Variants in ENPP6 observed in about 807,000 individuals in gnomAD.
ENPP6 encodes the protein glycerophosphocholine cholinephosphodiesterase ENPP6.
ENPP6 carries 32 observed loss-of-function variants against 42.0 expected under a neutral mutation model. The ratio of observed to expected loss-of-function variants is 0.76; its 90% CI spans 0.58 to 1.02. ENPP6 has a LOEUF of 1.02. ENPP6 is among the 50% of genes least tolerant of loss of function. ENPP6 has a pLI of 0.00. For synonymous variants in ENPP6, 213 were observed against 216.0 expected, an observed-to-expected ratio of 0.99 and a Z score of 0.12; for missense variants, 552 against 566.8, an observed-to-expected ratio of 0.97 and a Z score of 0.27.
chr4:184,192,605 A>C (rs1433139524), intron 1 of ENPP6, among the ~76,000 whole-genome samples: 1 of 152,230 alleles, frequency 6.6e-6, no homozygotes, highest in Non-Finnish European at 1.5e-5. Context: ...ATAGGACTTC[A>C]TCAACAATAA....
intron 3 of ENPP6, among the ~76,000 whole-genome samples, chr4:184,118,888 G>C (rs1412701426): frequency 6.6e-6 from 1 of 152,230 alleles, no homozygotes; most frequent in East Asian, 1.9e-4. Context: ...AGAGCTGCAA[G>C]GGGTTCCTAG....
At chr4:184,134,746 A>T (rs1361939758) in intron 2 of ENPP6, among the ~76,000 whole-genome samples, 1 of 150,278 alleles carries the variant, frequency 6.7e-6, no homozygotes, top group African/African-American at 2.5e-5. Flanking sequence ...TCTGCTCATC[A>T]TGATTTTCTT....
At chr4:184,135,969 CTGA>C (rs1488717186) in intron 2 of ENPP6, among the ~76,000 whole-genome samples, 1 of 152,074 alleles carries the variant, frequency 6.6e-6, no homozygotes, top group African/African-American at 2.4e-5. Flanking sequence ...AATGTATTTT[CTGA>C]TATTTTTGTG....
chr4:184,112,688 C>T lies in ENPP6; in HGVS notation c.977G>A (p.Gly326Asp), dbSNP rs373763438. 2 of 1,613,818 alleles carry T rather than the reference C, an allele frequency of 1.2e-6. No individual in the cohort carries two copies. Among genetic ancestry groups the T allele is most frequent in the African/African-American group, 1.3e-5 (1 of 74,914 alleles). Reference sequence around the variant, plus strand: ...CATAATTACCTCAGTTATGAACCAGCCTTCATCAGCCACTAAAGTCAAAGG... The same window carrying T: ...CATAATTACCTCAGTTATGAACCAGTCTTCATCAGCCACTAAAGTCAAAGG... ...VSPLTLVADE[G>D]WFITENREML... The change falls in exon 6 of 8, where the codon GGC (glycine) becomes GAC (aspartate). Residue 326 changes from glycine to aspartate, a missense_variant. Around this residue, in one of 2 missense-constraint regions of ENPP6, gnomAD observed 545 missense variants for 546.3 expected, o/e 1.00. Coordinates refer to ENST00000296741, the MANE Select transcript of ENPP6 (RefSeq NM_153343.4).
At chr4:184,200,352 C>T (rs1007670972) in intron 1 of ENPP6, among the ~76,000 whole-genome samples, 1 of 152,210 alleles carries the variant, frequency 6.6e-6, no homozygotes, top group African/African-American at 2.4e-5. Flanking sequence ...CCTTACCACA[C>T]TGTTATTACT....
chr4:184,131,231 T>C (rs199654794), intron 2 of ENPP6, among the ~76,000 whole-genome samples: 3 of 75,354 alleles, frequency 4.0e-5, no homozygotes, highest in Admixed American at 1.2e-4. Flanking sequence ...TCTTTCTTTC[T>C]TTCCTTTTCT....
intron 5 of ENPP6, among the ~76,000 whole-genome samples, 190 bp from the exon 6 acceptor site, chr4:184,112,999 AG>A (rs1412578618): frequency 1.3e-5 from 2 of 152,246 alleles, no homozygotes; most frequent in Non-Finnish European, 2.9e-5. Context: ...TCATCCAGGA[AG>A]GCTGAAGATC....
intron 2 of ENPP6, among the ~76,000 whole-genome samples, chr4:184,131,657 C>T (rs1736637515): frequency 6.6e-6 from 1 of 152,014 alleles, no homozygotes; most frequent in African/African-American, 2.4e-5. Context: ...AGCCATCACG[C>T]CCTGCCTCTA....
At chr4:184,162,634 G>A (rs1737285791) in intron 1 of ENPP6, among the ~76,000 whole-genome samples, 1 of 151,408 alleles carries the variant, frequency 6.6e-6, no homozygotes, top group Admixed American at 6.6e-5. Context: ...AGCCAAGACA[G>A]AGGGCTTCCT....
chr4:184,101,186 C>A lies in ENPP6; in HGVS notation c.994-3818G>T, dbSNP rs1735994638. Among the ~76,000 whole-genome samples the A allele has an allele frequency of 2.0e-5, 3 of 151,582 alleles. No individual in the cohort carries two copies. In the South Asian group the frequency reaches 6.3e-4, roughly 32 times the overall value. On this transcript the variant is annotated intron_variant, in intron 6 of 7. Transcript: ENST00000296741. ...GTGTGTGTGCATGAGTGTGTATGTG[C>A]CTGTGTATGAGAGTGTGTGAGTGCA...
intron 2 of ENPP6, among the ~76,000 whole-genome samples, chr4:184,129,291 TACACACACAC>T (rs60982411): frequency 9.6e-4 from 140 of 145,398 alleles, no homozygotes; most frequent in African/African-American, 2.6e-3. Flanking sequence ...CCCCCCAACA[TACACACACAC>T]ACACACACAC....
chr4:184,146,880 G>A (rs1000745552), intron 2 of ENPP6, among the ~76,000 whole-genome samples: 4 of 152,088 alleles, frequency 2.6e-5, no homozygotes, highest in African/African-American at 7.2e-5. Flanking sequence ...TCCTCCATCT[G>A]GTTACTAACA....
At chr4:184,131,266 TCCTTCCTTC>T (rs1736625162) in intron 2 of ENPP6, among the ~76,000 whole-genome samples, 1 of 114,122 alleles carries the variant, frequency 8.8e-6, no homozygotes, top group African/African-American at 3.8e-5. Flanking sequence ...TTCTCTTCCT[TCCTTCCTTC>T]CTTCCTTCCT....
intron 1 of ENPP6, among the ~76,000 whole-genome samples, chr4:184,177,472 G>A (rs1737582665): frequency 6.6e-6 from 1 of 152,158 alleles, no homozygotes; most frequent in African/African-American, 2.4e-5. Flanking sequence ...CAGACGAGTG[G>A]GATTCCTTCC....
intron 2 of ENPP6, among the ~76,000 whole-genome samples, chr4:184,150,632 G>C (rs1737008873): frequency 6.6e-6 from 1 of 152,256 alleles, no homozygotes; most frequent in Admixed American, 6.5e-5. Context: ...GAAGATGAGA[G>C]GGTGCCAGGG....
chr4:184,108,728 C>CA (rs80146598), intron 6 of ENPP6, among the ~76,000 whole-genome samples: 52,259 of 152,032 alleles, frequency 0.34, 10,059 homozygotes, highest in East Asian at 0.53. Context: ...ACTGCAGAGT[C>CA]ATTAAAAGAT....
At chr4:184,175,193 G>T (rs1737540657) in intron 1 of ENPP6, among the ~76,000 whole-genome samples, 1 of 151,992 alleles carries the variant, frequency 6.6e-6, no homozygotes, top group Non-Finnish European at 1.5e-5. Context: ...GGAACTCTCG[G>T]TTTCTCTCTC....
intron 2 of ENPP6, among the ~76,000 whole-genome samples, chr4:184,132,834 CAT>C (rs61030947): frequency 2.6e-4 from 21 of 80,894 alleles, no homozygotes; most frequent in Non-Finnish European, 3.1e-4. Context: ...CACACACACA[CAT>C]ATATATATAT....
intron 1 of ENPP6, among the ~76,000 whole-genome samples, chr4:184,209,217 T>C (rs186696788): frequency 0.16 from 23,547 of 149,628 alleles, 2,530 homozygotes; most frequent in Non-Finnish European, 0.23. Context: ...TCACCAGCAA[T>C]GGAACAAAGC....
Sources: gnomAD v4.1 joint callset for allele counts (sites outside exome capture counted in the v4.1 genomes callset) on GRCh38, gnomAD v4.1.1 for gene constraint, gnomAD v4.1.1 regional missense constraint, MANE v1.5 for transcripts, NCBI Gene and HGNC (gene_info 2026-07-23, HGNC 2026-07-21) for gene names.